PACRGL: variants seen among roughly 807,000 people sequenced by gnomAD.
PACRGL encodes the protein PACRG-like protein.
In PACRGL, 38 loss-of-function variants were observed where a neutral mutation model predicts 34.5. The observed-to-expected ratio is 1.10, with a 90% confidence interval of 0.85 to 1.44. The LOEUF (loss-of-function observed/expected upper bound fraction) is 1.44, where lower values mean the gene tolerates loss of function less well. PACRGL is among the 40% of genes most tolerant of loss of function. PACRGL has a pLI of 0.00. For synonymous variants in PACRGL, 128 were observed against 100.1 expected, an observed-to-expected ratio of 1.28 and a Z score of -1.66; for missense variants, 305 against 281.4, an observed-to-expected ratio of 1.08 and a Z score of -0.60.
the PACRGL span, chr4:20,758,865 T>C: frequency 1.2e-6 from 2 of 1,613,402 alleles, no homozygotes; most frequent in Non-Finnish European, 1.7e-6. Context: ...GAAGGTTTCT[T>C]CATTAACAAC....
chr4:20,715,677 G>A (rs1489179952), intron 7 of PACRGL, among the ~76,000 whole-genome samples: 2 of 151,944 alleles, frequency 1.3e-5, no homozygotes, highest in Non-Finnish European at 2.9e-5. Context: ...GACCAGCCTG[G>A]GCAACATGGT....
chr4:20,754,456 A>T (rs1314275889), downstream of PACRGL, among the ~76,000 whole-genome samples: 2 of 152,200 alleles, frequency 1.3e-5, no homozygotes, highest in Non-Finnish European at 2.9e-5. Context: ...AAGTGTAAGG[A>T]TGGCCATCAC....
Position 20,731,422 on chromosome 4 carries a change from C to T in PACRGL, c.*4081C>T. The T allele has an allele frequency of 3.0e-6, 3 of 985,354 alleles. No homozygotes were observed. Among genetic ancestry groups the T allele is most frequent in the Non-Finnish European group, 3.6e-6 (3 of 829,910 alleles). The allele number at this position is 985,354 out of a possible 1,614,324, so 61.0% of individuals were successfully genotyped here. On this transcript the variant is annotated 3_prime_UTR_variant, in exon 9 of 9. Coordinates refer to ENST00000503585, the MANE Select transcript of PACRGL (RefSeq NM_001258345.3). The stretch of plus-strand genomic sequence containing the variant: ...TGCCCACACATCAAGTCAAATAATT[C>T]TAAGTAAGCTAACACTGGTTTCTTT...
chr4:20,707,837 C>T lies in PACRGL; in HGVS notation c.242C>T (p.Ala81Val). Reference protein sequence around the residue: ...GEQSRVPSAFAAIYSKGGIPC... With the variant: ...GEQSRVPSAFVAIYSKGGIPC... Reference sequence around the variant, plus strand: ...CAGTCACGAGTGCCTTCTGCATTTGCAGCTATTTACTCTAAAGGAGGTATT... The same window carrying T: ...CAGTCACGAGTGCCTTCTGCATTTGTAGCTATTTACTCTAAAGGAGGTATT... Residue 81 changes from alanine to valine, a missense_variant, in exon 4 of 9, where the codon GCA becomes GTA. By Grantham distance (64) the Ala-to-Val change is moderately conservative. Transcript: ENST00000503585. The T allele has an allele frequency of 6.2e-7, 1 of 1,613,722 alleles. No homozygotes were observed. The highest frequency in any genetic ancestry group is 1.1e-5 in the South Asian group (1 of 91,050).
At position 20,730,636 on chromosome 4, in the gene PACRGL, C is replaced by T. The variant is rs190545637; in HGVS notation, c.*3295C>T. On this transcript the variant is annotated 3_prime_UTR_variant, in exon 9 of 9. Coordinates refer to ENST00000503585, the MANE Select transcript of PACRGL (RefSeq NM_001258345.3). ...TTGCAGTAATCATCTCTCTTTCTGT[C>T]TGCTAGTTATGGCTAAAGCTGCATG... 1.3e-5 allele frequency among the ~76,000 whole-genome samples: 2 copies of T among 152,268 alleles called. No homozygotes were observed. The highest frequency in any genetic ancestry group is 2.4e-5 in the African/African-American group (1 of 41,548).
intron 8 of PACRGL, 102 bp from the exon 9 acceptor site, chr4:20,727,179 TTTTG>T: frequency 1.0e-6 from 1 of 971,946 alleles, no homozygotes; most frequent in South Asian, 1.6e-5. Context: ...TCTTACCCCT[TTTTG>T]TTTGAGTTTT....
At position 20,728,972 on chromosome 4, in the gene PACRGL, A is replaced by AGTTGTTGAGCACTTATTT. The variant is rs1179579102; in HGVS notation, c.*1632_*1649dup. On this transcript the variant is annotated 3_prime_UTR_variant, in exon 9 of 9. Coordinates refer to ENST00000503585, the MANE Select transcript of PACRGL (RefSeq NM_001258345.3). Reference sequence around the variant, plus strand: ...GCTAAATCATACTGTAATCTGGATTAGTTGTTGAGCACTTATTTTCTACTA... The same window carrying AGTTGTTGAGCACTTATTT: ...GCTAAATCATACTGTAATCTGGATTAGTTGTTGAGCACTTATTTGTTGTTGAGCACTTATTTTCTACTA... 8 of 152,374 alleles carry AGTTGTTGAGCACTTATTT rather than the reference A, an allele frequency of 5.3e-5. No homozygotes were observed. The East Asian group carries it at 1.5e-3, about 29-fold the overall frequency. The allele number at this position is 152,374 out of a possible 1,614,324, so 9.4% of individuals were successfully genotyped here. A position where few individuals can be genotyped will look rare whatever the true frequency, so the allele number is the denominator to read the frequency against.
chr4:20,732,327 G>A lies in PACRGL; in HGVS notation c.*4986G>A, dbSNP rs1053044314. ...CTAGGTAAAATCCCACCTTCTAGAT[G>A]TGACAGAGCTTGCGCAATTTGCTGA... On this transcript the variant is annotated 3_prime_UTR_variant, in exon 9 of 9. Transcript: ENST00000503585. Among the ~76,000 whole-genome samples the A allele has an allele frequency of 1.3e-5, 2 of 152,154 alleles. No homozygotes were observed. The highest frequency in any genetic ancestry group is 2.9e-5 in the Non-Finnish European group (2 of 68,028).
At chr4:20,734,093 C>T (rs1333212033), downstream of PACRGL, among the ~76,000 whole-genome samples, 1 of 152,184 alleles carries the variant, frequency 6.6e-6, no homozygotes, top group Non-Finnish European at 1.5e-5. Flanking sequence ...GGTTAACTTA[C>T]TCCATCCCTT....
At chr4:20,741,933 G>A (rs1452241230) in intron 8 of PACRGL, among the ~76,000 whole-genome samples, 4 of 152,230 alleles carry the variant, frequency 2.6e-5, no homozygotes, top group African/African-American at 7.2e-5. Flanking sequence ...CAGAGAATAC[G>A]ATGAACACCT....
At chr4:20,761,424 T>G in the PACRGL span, among the ~76,000 whole-genome samples, 1 of 152,208 alleles carries the variant, frequency 6.6e-6, no homozygotes, top group Non-Finnish European at 1.5e-5. Context: ...TGACTATCTA[T>G]CTAGCTGACA....
rs1748160629 is a variant in PACRGL at position 20,731,384 on chromosome 4, T to TTAAC, written c.*4045_*4048dup. Reference sequence around the variant, plus strand: ...CTACTGTACCAGGCCTTAACAATTTTTAACTGTGGTTCTGCCCACACATCA... The same window carrying TTAAC: ...CTACTGTACCAGGCCTTAACAATTTTTAACTAACTGTGGTTCTGCCCACACATCA... On this transcript the variant is annotated 3_prime_UTR_variant, in exon 9 of 9. Transcript: ENST00000503585. The TTAAC allele has an allele frequency of 1.0e-6, 1 of 985,076 alleles. No individual in the cohort carries two copies. The highest frequency in any genetic ancestry group is 1.7e-5 in the African/African-American group (1 of 57,232). 61.0% of individuals were successfully genotyped at this position (985,076 alleles called of 1,614,324 possible). A position where few individuals can be genotyped will look rare whatever the true frequency, so the allele number is the denominator to read the frequency against.
chr4:20,724,039 T>A (rs1420811697), intron 7 of PACRGL, among the ~76,000 whole-genome samples: 3 of 152,190 alleles, frequency 2.0e-5, no homozygotes. Flanking sequence ...AGGGTATTAT[T>A]CTTCTAGAAA....
Position 20,741,923 on chromosome 4 carries a change from CAG to C in PACRGL, c.*57-10638_*57-10637del, listed in dbSNP as rs543204833. Among the ~76,000 whole-genome samples, 205 of 152,314 alleles carry C rather than the reference CAG, an allele frequency of 1.3e-3. 1 individual carries two copies. Among genetic ancestry groups the C allele is most frequent in the Admixed American group, 2.3e-3 (35 of 15,306 alleles). ...ATCCCACAGAAATACAAACTACCAT[CAG>C]AGAATACGATGAACACCTCTATGCG... is the stretch of plus-strand genomic sequence containing the variant. On this transcript the variant is annotated intron_variant, in intron 8 of 8. Transcript: ENST00000507634.
chr4:20,702,265 C>T (rs1321678766), intron 1 of PACRGL: 7 of 454,976 alleles, frequency 1.5e-5, no homozygotes, highest in Non-Finnish European at 3.1e-5. Context: ...GATATGGCTG[C>T]CTGTGCCCTT....
chr4:20,731,884 A>C lies in PACRGL; in HGVS notation c.*4543A>C. ...GTGGTAGGCTTATGCTGCATGTTGTAGAAGTGGTAAACTTAGGCATATGAT... is the reference window on the plus strand; with the variant it reads ...GTGGTAGGCTTATGCTGCATGTTGTCGAAGTGGTAAACTTAGGCATATGAT... On this transcript the variant is annotated 3_prime_UTR_variant, in exon 9 of 9. Coordinates refer to ENST00000503585, the MANE Select transcript of PACRGL (RefSeq NM_001258345.3). 6.8e-7 allele frequency: 1 copy of C among 1,470,286 alleles called. No individual in the cohort carries two copies. The highest frequency in any genetic ancestry group is 9.0e-7 in the Non-Finnish European group (1 of 1,110,016). 91.1% of individuals were successfully genotyped at this position (1,470,286 alleles called of 1,614,324 possible).
chr4:20,708,122 T>C (rs1002214741), intron 4 of PACRGL, among the ~76,000 whole-genome samples: 1 of 152,202 alleles, frequency 6.6e-6, no homozygotes, highest in Non-Finnish European at 1.5e-5. Context: ...TGAACCCTTT[T>C]TCTAAAATAA....
At position 20,731,012 on chromosome 4, in the gene PACRGL, T is replaced by TTAAAAATAAA. The variant is rs1336918848; in HGVS notation, c.*3672_*3681dup. Among the ~76,000 whole-genome samples the TTAAAAATAAA allele has an allele frequency of 6.6e-6, 1 of 152,166 alleles. No individual in the cohort carries two copies. The highest frequency in any genetic ancestry group is 1.5e-5 in the Non-Finnish European group (1 of 68,032). On this transcript the variant is annotated 3_prime_UTR_variant, in exon 9 of 9. Coordinates refer to ENST00000503585, the MANE Select transcript of PACRGL (RefSeq NM_001258345.3). ...CATCCAGAAAAGTAAGAACAACAAT[T>TTAAAAATAAA]TAAAAATAAAGAGAAAAACTAAAGA...
chr4:20,707,615 GA>G (rs35495469), intron 3 of PACRGL, among the ~76,000 whole-genome samples, 187 bp from the exon 4 acceptor site: 1 of 151,936 alleles, frequency 6.6e-6, no homozygotes, highest in African/African-American at 2.4e-5. Flanking sequence ...ATCGTTAGGG[GA>G]AAAAGAGATG....
Sources: allele counts gnomAD v4.1 joint callset (sites outside exome capture counted in the v4.1 genomes callset), GRCh38; gene constraint gnomAD v4.1.1; transcripts MANE v1.5; gene names NCBI Gene and HGNC (gene_info 2026-07-23, HGNC 2026-07-21).